The following TENM1 variants were observed in gnomAD, a reference collection of about 807,000 sequenced individuals.
TENM1 encodes teneurin transmembrane protein 1.
TENM1 carries 35 observed loss-of-function variants against 174.8 expected under a neutral mutation model. The observed-to-expected ratio is 0.20, with a 90% CI of 0.15 to 0.27. The LOEUF (loss-of-function observed/expected upper bound fraction) is 0.27. TENM1 is among the 10% of genes least tolerant of loss of function. The pLI, the probability that TENM1 is intolerant of heterozygous loss-of-function variation, is 1.00. For synonymous variants in TENM1, 781 were observed against 798.7 expected (o/e 0.98, Z 0.37); for missense variants, 1,633 against 2,130.1 (o/e 0.77, Z 4.59).
In TENM1 at chrX:124,387,850, A is replaced by T. The variant is rs187524548; in HGVS notation, c.5689-1786T>A. Among the ~76,000 whole-genome samples the T allele has an allele frequency of 4.5e-5, 5 of 112,188 alleles. No homozygotes were observed. The East Asian group carries it at 1.1e-3, about 25-fold the overall frequency. ...ACTTGTGGACAACCTGCAGCTTGCCACAGCCTACAGTTCCACCACTGTGAC... is the reference window on the plus strand; with the variant it reads ...ACTTGTGGACAACCTGCAGCTTGCCTCAGCCTACAGTTCCACCACTGTGAC... On this transcript the variant is annotated intron_variant, in intron 28 of 31. Transcript: ENST00000422452.
chrX:125,157,705 G>T, the TENM1 span, among the ~76,000 whole-genome samples: 1 of 111,738 alleles, frequency 8.9e-6, no homozygotes, highest in Admixed American at 9.5e-5. Flanking sequence ...TAAAGTGAAT[G>T]GATTCAAAAC....
At chrX:125,069,400 T>C in the TENM1 span, among the ~76,000 whole-genome samples, 4 of 112,046 alleles carry the variant, frequency 3.6e-5, no homozygotes, top group East Asian at 2.8e-4. Context: ...AAATTCTTTG[T>C]AGATTTTCTT....
the TENM1 span, among the ~76,000 whole-genome samples, chrX:125,189,299 C>G: frequency 8.9e-6 from 1 of 111,935 alleles, no homozygotes. Context: ...TCTCTCTATT[C>G]CACTCAAGAA....
intron 3 of TENM1, among the ~76,000 whole-genome samples, chrX:124,827,096 G>C (rs2056180207): frequency 8.9e-6 from 1 of 111,755 alleles, no homozygotes; most frequent in Admixed American, 9.5e-5. Flanking sequence ...TGTTGCCCAG[G>C]CTGGAGTGCA....
chrX:124,774,823 G>C (rs1489527335), intron 3 of TENM1, among the ~76,000 whole-genome samples: 4 of 110,663 alleles, frequency 3.6e-5, no homozygotes, highest in Non-Finnish European at 7.6e-5. Flanking sequence ...AACTTTCTTG[G>C]ATCTGCATTG....
intron 1 of TENM1, among the ~76,000 whole-genome samples, chrX:124,931,026 TC>T (rs1485502657): frequency 9.0e-6 from 1 of 111,255 alleles, no homozygotes; most frequent in Non-Finnish European, 1.9e-5. Flanking sequence ...CGACTGGCAG[TC>T]CCAGCAGCAG....
the TENM1 span, among the ~76,000 whole-genome samples, chrX:124,993,445 T>C: frequency 1.8e-5 from 2 of 111,099 alleles, no homozygotes; most frequent in Non-Finnish European, 3.8e-5. Flanking sequence ...TGATTATCCC[T>C]ATTAATGTTG....
intron 23 of TENM1, among the ~76,000 whole-genome samples, chrX:124,429,770 AG>A (rs2060757433): frequency 8.9e-6 from 1 of 111,839 alleles, no homozygotes; most frequent in Non-Finnish European, 1.9e-5. Context: ...AGGTGGTGCC[AG>A]TCCTGTGCAT....
chrX:124,434,823 C>T (rs997030515), intron 23 of TENM1, among the ~76,000 whole-genome samples: 10 of 111,941 alleles, frequency 8.9e-5, no homozygotes, highest in Middle Eastern at 4.6e-3. Context: ...ATGCTACTTG[C>T]CGATTTACTG....
intron 1 of TENM1, among the ~76,000 whole-genome samples, chrX:124,946,137 G>A (rs2058398860): frequency 8.9e-6 from 1 of 111,785 alleles, no homozygotes; most frequent in Non-Finnish European, 1.9e-5. Flanking sequence ...AGGCAGGAAT[G>A]AGAGCTATCT....
At chrX:125,017,515 T>G in the TENM1 span, among the ~76,000 whole-genome samples, 1 of 111,643 alleles carries the variant, frequency 9.0e-6, no homozygotes, top group Admixed American at 9.5e-5. Context: ...AGCAATCCCA[T>G]TACGGGGTAT....
At chrX:124,486,710 T>C (rs1227306129) in intron 21 of TENM1, among the ~76,000 whole-genome samples, 1 of 111,873 alleles carries the variant, frequency 8.9e-6, no homozygotes, top group African/African-American at 3.2e-5. Flanking sequence ...TATTATTTCT[T>C]TTTGGTGGAA....
intron 3 of TENM1, among the ~76,000 whole-genome samples, chrX:124,863,507 G>T (rs764154270): frequency 3.6e-5 from 4 of 112,176 alleles, no homozygotes; most frequent in African/African-American, 1.3e-4. Flanking sequence ...TGGGGTGGCG[G>T]TAACTACCAG....
intron 18 of TENM1, among the ~76,000 whole-genome samples, chrX:124,510,004 G>C (rs769622654): frequency 5.9e-4 from 66 of 112,007 alleles, no homozygotes; most frequent in Middle Eastern, 4.6e-3. Context: ...GATTACAGGC[G>C]TGAGCCACCA....
the TENM1 span, among the ~76,000 whole-genome samples, chrX:125,069,172 T>C: frequency 9.0e-6 from 1 of 111,724 alleles, no homozygotes; most frequent in African/African-American, 3.3e-5. Flanking sequence ...TCCCCAATTT[T>C]GGAGTCCCCA....
intron 20 of TENM1, among the ~76,000 whole-genome samples, chrX:124,490,076 C>A (rs1251780704): frequency 8.9e-6 from 1 of 112,007 alleles, no homozygotes; most frequent in Non-Finnish European, 1.9e-5. Flanking sequence ...ATAAATGAAT[C>A]CATATCAAGG....
chrX:125,054,226 C>T, the TENM1 span, among the ~76,000 whole-genome samples: 1 of 109,734 alleles, frequency 9.1e-6, no homozygotes, highest in Non-Finnish European at 1.9e-5. Flanking sequence ...TGGGTGGCAC[C>T]TCCCCGCATC....
At chrX:124,801,465 G>A (rs1178529754) in intron 3 of TENM1, among the ~76,000 whole-genome samples, 1 of 111,362 alleles carries the variant, frequency 9.0e-6, no homozygotes, top group Non-Finnish European at 1.9e-5. Flanking sequence ...CCTTTATTTT[G>A]AGTCTATGTG....
chrX:124,554,864 C>A (rs1214099833), intron 14 of TENM1, among the ~76,000 whole-genome samples: 2 of 111,636 alleles, frequency 1.8e-5, no homozygotes, highest in Non-Finnish European at 3.8e-5. Context: ...GAAGATCATT[C>A]TCTTTTAGGC....
Sources: gnomAD v4.1 joint callset for allele counts (sites outside exome capture counted in the v4.1 genomes callset) on GRCh38, gnomAD v4.1.1 for gene constraint, MANE v1.5 for transcripts, NCBI Gene and HGNC (gene_info 2026-07-23, HGNC 2026-07-21) for gene names.